Variants in CAPZA2 observed in about 807,000 individuals in gnomAD.
CAPZA2 encodes the protein capping actin protein of muscle Z-line subunit alpha 2.
In CAPZA2, 13 loss-of-function variants were observed where a neutral mutation model predicts 44.0. The ratio of observed to expected loss-of-function variants is 0.30; its 90% CI spans 0.19 to 0.47. The LOEUF is 0.47. Ranked by LOEUF, CAPZA2 falls within the 20% of genes least tolerant of loss-of-function variation. CAPZA2 has a pLI of 1.00. For synonymous variants in CAPZA2, 94 were observed against 108.2 expected (o/e 0.87, Z 0.81); for missense variants, 244 against 338.6 (o/e 0.72, Z 2.19).
chr7:116,870,193 A>C (rs1485359354), intron 1 of CAPZA2, among the ~76,000 whole-genome samples: 2 of 152,178 alleles, frequency 1.3e-5, no homozygotes, highest in Non-Finnish European at 2.9e-5. Context: ...TATAATGCAA[A>C]ACTAGATTCG....
chr7:116,880,366 T>C (rs1459422662), intron 1 of CAPZA2, among the ~76,000 whole-genome samples: 1 of 152,154 alleles, frequency 6.6e-6, no homozygotes, highest in African/African-American at 2.4e-5. Flanking sequence ...TGATGGCTCA[T>C]TGTGAACTGC....
intron 3 of CAPZA2, among the ~76,000 whole-genome samples, chr7:116,894,902 A>G (rs966316525): frequency 6.6e-6 from 1 of 152,176 alleles, no homozygotes; most frequent in Non-Finnish European, 1.5e-5. Flanking sequence ...TTTATCTTCC[A>G]ATGGACACTT....
rs193166685 is a variant in CAPZA2 at position 116,920,892 on chromosome 7, A to G, written c.*3025A>G. ...TTTGGGTGCAGGCATAGAGTAGATG[A>G]AATAAATTTCACCAGGGCTGTGGTT... On this transcript the variant is annotated 3_prime_UTR_variant, in exon 10 of 10. Transcript: ENST00000361183. 1 of 152,362 alleles carries G rather than the reference A, an allele frequency of 6.6e-6. No individual in the cohort carries two copies. Among genetic ancestry groups the G allele is most frequent in the East Asian group, 1.9e-4 (1 of 5,182 alleles). 9.4% of individuals were successfully genotyped at this position (152,362 alleles called of 1,614,324 possible). A position where few individuals can be genotyped will look rare whatever the true frequency, so the allele number is the denominator to read the frequency against.
chr7:116,893,333 A>G (rs907895141), intron 3 of CAPZA2, among the ~76,000 whole-genome samples: 2 of 151,978 alleles, frequency 1.3e-5, no homozygotes, highest in African/African-American at 4.8e-5. Flanking sequence ...GTTTTACCTT[A>G]TTGGCCAGGC....
At position 116,875,755 on chromosome 7, in the gene CAPZA2, A is replaced by G. The variant is rs1244095434; in HGVS notation, c.40-12372A>G. The G allele has an allele frequency of 6.6e-5, 10 of 151,350 alleles. No individual in the cohort carries two copies. In the East Asian group the frequency reaches 1.9e-3, roughly 29 times the overall value. The allele number at this position is 151,350 out of a possible 1,614,324, so 9.4% of individuals were successfully genotyped here. A position where few individuals can be genotyped will look rare whatever the true frequency, so the allele number is the denominator to read the frequency against. On this transcript the variant is annotated intron_variant, in intron 1 of 9. Coordinates refer to ENST00000361183, the MANE Select transcript of CAPZA2 (RefSeq NM_006136.3). ...TTTTTTGTAGATACAGGATCTCACC[A>G]TGTTGACCAGGCTGGACTCAAGTGA...
chr7:116,893,803 AAAG>A (rs1292039926), intron 3 of CAPZA2, among the ~76,000 whole-genome samples: 8 of 152,254 alleles, frequency 5.3e-5, no homozygotes, highest in Admixed American at 1.3e-4. Context: ...TGAGTGATTT[AAAG>A]AAGTAGGCAA....
At chr7:116,880,287 A>G (rs879896538) in intron 1 of CAPZA2, 8 of 343,542 alleles carry the variant, frequency 2.3e-5, no homozygotes, top group African/African-American at 4.3e-5. Context: ...TTACATTTTA[A>G]TTAATCAGAA....
intron 1 of CAPZA2, among the ~76,000 whole-genome samples, chr7:116,868,981 G>C (rs1292809958): frequency 6.6e-6 from 1 of 152,170 alleles, no homozygotes; most frequent in Non-Finnish European, 1.5e-5. Flanking sequence ...ATTTTTGCAT[G>C]AGTAGTTGAA....
rs570618601 is a variant in CAPZA2 at position 116,915,163 on chromosome 7, A to AATG, written c.658-896_658-894dup. 1.7e-3 allele frequency among the ~76,000 whole-genome samples: 252 copies of AATG among 152,164 alleles called. 1 individual carries two copies. Among genetic ancestry groups the AATG allele is most frequent in the African/African-American group, 5.3e-3 (221 of 41,534 alleles). On this transcript the variant is annotated intron_variant, in intron 8 of 9. Transcript: ENST00000361183. Reference sequence around the variant, plus strand: ...ACTAAAAATACAAAAATGAGACGGGAATGGTGGCACATTCCTATAGTTCCA... The same window carrying AATG: ...ACTAAAAATACAAAAATGAGACGGGAATGATGGTGGCACATTCCTATAGTTCCA...
Position 116,921,530 on chromosome 7 carries a change from A to G in CAPZA2, c.*3663A>G, listed in dbSNP as rs960039777. On this transcript the variant is annotated 3_prime_UTR_variant, in exon 10 of 10. Transcript: ENST00000361183. ...AAACCCCTTCTGTATTAAAAATACA[A>G]ATATTAGCCGGGCATGGTGGCACAT... 1 of 151,014 alleles carries G rather than the reference A, an allele frequency of 6.6e-6. No homozygotes were observed. The highest frequency in any genetic ancestry group is 2.4e-5 in the African/African-American group (1 of 40,980). 9.4% of individuals were successfully genotyped at this position (151,014 alleles called of 1,614,324 possible).
chr7:116,874,553 G>T (rs1008867205), intron 1 of CAPZA2: 2 of 152,240 alleles, frequency 1.3e-5, no homozygotes, highest in Admixed American at 6.5e-5. Flanking sequence ...AGCACGTCAA[G>T]TGCAATGTAT....
intron 9 of CAPZA2, among the ~76,000 whole-genome samples, chr7:116,916,725 A>G (rs942458904): frequency 1.3e-5 from 2 of 152,096 alleles, no homozygotes; most frequent in Non-Finnish European, 2.9e-5. Flanking sequence ...TAGATTTCAG[A>G]TTTTTTTGGA....
At chr7:116,879,124 C>CAAAAAA (rs71148337) in intron 1 of CAPZA2, among the ~76,000 whole-genome samples, 94 of 45,216 alleles carry the variant, frequency 2.1e-3, no homozygotes, top group African/African-American at 4.2e-3. Context: ...AACTCTGTCT[C>CAAAAAA]AAAAAAAAAA....
intron 1 of CAPZA2, among the ~76,000 whole-genome samples, chr7:116,879,241 A>T (rs547239908): frequency 1.3e-5 from 2 of 152,104 alleles, no homozygotes; most frequent in East Asian, 3.9e-4. Context: ...TTATTCACCC[A>T]AGGTCACATC....
chr7:116,901,515 T>G (rs1796994265), intron 4 of CAPZA2, among the ~76,000 whole-genome samples: 2 of 151,898 alleles, frequency 1.3e-5, no homozygotes, highest in Non-Finnish European at 2.9e-5. Flanking sequence ...TATCAGAGGA[T>G]GAAGGGTGGG....
chr7:116,917,843 T>C lies in CAPZA2; in HGVS notation c.837T>C (p.Ile279=), dbSNP rs771256700. The change falls in exon 10 of 10, where the codon ATT becomes ATC. Residue 279 remains isoleucine, a synonymous_variant. Coordinates refer to ENST00000361183, the MANE Select transcript of CAPZA2 (RefSeq NM_006136.3). Reference sequence around the variant, plus strand: ...GGAACAAGATCCTTAGCTACAAGATTGGCAAAGAGATGCAGAATGCATAAG... The same window carrying C: ...GGAACAAGATCCTTAGCTACAAGATCGGCAAAGAGATGCAGAATGCATAAG... The part of the protein sequence containing the change: ...IDWNKILSYK[I]GKEMQNA 6.2e-7 allele frequency: 1 copy of C among 1,613,432 alleles called. No homozygotes were observed. Among genetic ancestry groups the C allele is most frequent in the Non-Finnish European group, 8.5e-7 (1 of 1,179,356 alleles).
chr7:116,864,768 G>A (rs987489449), intron 1 of CAPZA2, among the ~76,000 whole-genome samples: 28 of 152,116 alleles, frequency 1.8e-4, no homozygotes, highest in Admixed American at 1.8e-3. Context: ...GCTGGGCACG[G>A]TGGTTTGCAC....
rs577266926 is a variant in CAPZA2 at position 116,918,345 on chromosome 7, C to G, written c.*478C>G. 8 of 154,688 alleles carry G rather than the reference C, an allele frequency of 5.2e-5. No homozygotes were observed. The highest frequency in any genetic ancestry group is 1.9e-4 in the African/African-American group (8 of 41,542). 9.6% of individuals were successfully genotyped at this position (154,688 alleles called of 1,614,324 possible). On this transcript the variant is annotated 3_prime_UTR_variant, in exon 10 of 10. Coordinates refer to ENST00000361183, the MANE Select transcript of CAPZA2 (RefSeq NM_006136.3). The stretch of plus-strand genomic sequence containing the variant: ...TCTACCTTTTCTTCCTCACCTGTTC[C>G]ATTTATGTAAAGTTGAGATTAGAGG...
At chr7:116,869,382 T>G (rs1796521444) in intron 1 of CAPZA2, among the ~76,000 whole-genome samples, 1 of 152,230 alleles carries the variant, frequency 6.6e-6, no homozygotes, top group African/African-American at 2.4e-5. Context: ...GACTGAGAAC[T>G]TTTCTTATAC....
Sources: gnomAD v4.1 joint callset for allele counts (sites outside exome capture counted in the v4.1 genomes callset) on GRCh38, gnomAD v4.1.1 for gene constraint, MANE v1.5 for transcripts, NCBI Gene and HGNC (gene_info 2026-07-23, HGNC 2026-07-21) for gene names.